ADCY5: variants seen among roughly 807,000 people sequenced by gnomAD.
ADCY5 encodes adenylate cyclase 5.
A neutral mutation model predicts 119.7 loss-of-function variants in ADCY5; 30 were observed. The ratio of observed to expected loss-of-function variants is 0.25; its 90% CI spans 0.19 to 0.34. ADCY5 has a LOEUF of 0.34. Among genes scored for constraint, ADCY5 ranks in the 10% least tolerant of loss-of-function variants. ADCY5 has a pLI of 1.00. For synonymous variants in ADCY5, 753 were observed against 762.2 expected, an observed-to-expected ratio of 0.99 and a Z score of 0.20; for missense variants, 1,324 against 1,775.2, an observed-to-expected ratio of 0.75 and a Z score of 4.57.
intron 1 of ADCY5, among the ~76,000 whole-genome samples, chr3:123,354,336 T>C (rs1401233324): frequency 6.6e-6 from 1 of 152,142 alleles, no homozygotes; most frequent in African/African-American, 2.4e-5. Flanking sequence ...GTCCAGATGC[T>C]GCCACAGAAG....
At chr3:123,315,679 G>A (rs1208362730) in intron 11 of ADCY5, among the ~76,000 whole-genome samples, 1 of 152,076 alleles carries the variant, frequency 6.6e-6, no homozygotes, top group African/African-American at 2.4e-5. Context: ...AGCTTCAAGT[G>A]ATTCTCCCGC....
chr3:123,372,314 C>A (rs567382404), intron 1 of ADCY5, among the ~76,000 whole-genome samples: 1 of 152,276 alleles, frequency 6.6e-6, no homozygotes, highest in South Asian at 2.1e-4. Flanking sequence ...GCTCTGACCC[C>A]CAACACATAA....
chr3:123,370,274 C>T (rs1157605512), intron 1 of ADCY5, among the ~76,000 whole-genome samples: 3 of 152,122 alleles, frequency 2.0e-5, no homozygotes, highest in Non-Finnish European at 2.9e-5. Context: ...TAAGATTAAC[C>T]GTTTTATTTA....
At chr3:123,338,216 C>T (rs1004338258) in intron 3 of ADCY5, among the ~76,000 whole-genome samples, 6 of 152,224 alleles carry the variant, frequency 3.9e-5, no homozygotes, top group African/African-American at 1.2e-4. Context: ...CACCACCCAC[C>T]AGGAAAGAGC....
At chr3:123,373,867 C>T (rs1280942203) in intron 1 of ADCY5, among the ~76,000 whole-genome samples, 1 of 149,836 alleles carries the variant, frequency 6.7e-6, no homozygotes, top group Non-Finnish European at 1.5e-5. Context: ...ATTTGGCAAC[C>T]TTGGGAAACA....
intron 1 of ADCY5, among the ~76,000 whole-genome samples, chr3:123,419,879 C>T (rs1018293699): frequency 3.3e-5 from 5 of 152,080 alleles, no homozygotes; most frequent in East Asian, 1.9e-4. Context: ...GCACTTCCCC[C>T]GTGCTCATTT....
At chr3:123,299,821 C>T (rs1939728810) in intron 15 of ADCY5, among the ~76,000 whole-genome samples, 1 of 152,246 alleles carries the variant, frequency 6.6e-6, no homozygotes, top group South Asian at 2.1e-4. Flanking sequence ...GACCGTGACT[C>T]CTCTGAGCCT....
At chr3:123,443,266 C>A (rs906275921) in intron 1 of ADCY5, among the ~76,000 whole-genome samples, 6 of 152,132 alleles carry the variant, frequency 3.9e-5, no homozygotes, top group Admixed American at 3.9e-4. Context: ...CAGGTACTTA[C>A]TTCCCTGGGG....
At chr3:123,287,900 G>A (rs1938890221) in intron 19 of ADCY5, among the ~76,000 whole-genome samples, 1 of 152,172 alleles carries the variant, frequency 6.6e-6, no homozygotes, top group Admixed American at 6.6e-5. Context: ...TCAGTCCCCA[G>A]GCCTGATCCA....
intron 3 of ADCY5, among the ~76,000 whole-genome samples, chr3:123,343,551 A>G (rs1576599550): frequency 6.6e-6 from 1 of 152,158 alleles, no homozygotes; most frequent in Non-Finnish European, 1.5e-5. Flanking sequence ...GTCTGTTTGC[A>G]TCTACCTTTG....
chr3:123,352,692 A>C lies in ADCY5; in HGVS notation c.1135-111T>G. On this transcript the variant is annotated intron_variant, in intron 1 of 20. Coordinates refer to ENST00000462833, the MANE Select transcript of ADCY5 (RefSeq NM_183357.3). The surrounding 1 kb of genome is among the most constrained non-coding windows in gnomAD (Gnocchi z 4.8). Reference sequence around the variant, plus strand: ...AACTCACACCTGGCGCTAGCAAACAAATGCTGAGGGCACCCCACACGCGGC... The same window carrying C: ...AACTCACACCTGGCGCTAGCAAACACATGCTGAGGGCACCCCACACGCGGC... 1 of 1,297,270 alleles carries C rather than the reference A, an allele frequency of 7.7e-7. No individual in the cohort carries two copies. Among genetic ancestry groups the C allele is most frequent in the Non-Finnish European group, 1.0e-6 (1 of 959,060 alleles). The allele number at this position is 1,297,270 out of a possible 1,614,324, so 80.4% of individuals were successfully genotyped here. A position where few individuals can be genotyped will look rare whatever the true frequency, so the allele number is the denominator to read the frequency against.
intron 1 of ADCY5, among the ~76,000 whole-genome samples, chr3:123,402,031 C>A (rs1217782929): frequency 6.6e-6 from 1 of 152,154 alleles, no homozygotes. Flanking sequence ...TCCACCAGTT[C>A]CTCCAAGACC....
intron 1 of ADCY5, among the ~76,000 whole-genome samples, chr3:123,360,478 C>T (rs1348078449): frequency 6.6e-6 from 1 of 152,118 alleles, no homozygotes; most frequent in Admixed American, 6.5e-5. Flanking sequence ...AGACCCTTAA[C>T]ATCATGACAT....
At chr3:123,376,403 T>C (rs925348169) in intron 1 of ADCY5, among the ~76,000 whole-genome samples, 1 of 134,220 alleles carries the variant, frequency 7.5e-6, no homozygotes, top group African/African-American at 2.7e-5. Context: ...CCTTCGTGCA[T>C]TTGTAAGAGA....
intron 12 of ADCY5, among the ~76,000 whole-genome samples, chr3:123,313,712 G>A (rs1940718905): frequency 6.6e-6 from 1 of 152,206 alleles, no homozygotes. Context: ...CATTTCTGCT[G>A]CCAACACCAG....
intron 11 of ADCY5, among the ~76,000 whole-genome samples, chr3:123,317,331 A>ATT (rs11427256): frequency 0.011 from 1,585 of 146,854 alleles, 9 homozygotes; most frequent in South Asian, 0.018. Context: ...TCTTTTGAAG[A>ATT]TTTTTTTTTT....
chr3:123,429,856 T>C (rs1037063357), intron 1 of ADCY5, among the ~76,000 whole-genome samples: 1 of 151,994 alleles, frequency 6.6e-6, no homozygotes, highest in Non-Finnish European at 1.5e-5. Context: ...CCCCACCCCA[T>C]ACCCACGTCC....
chr3:123,393,700 G>A (rs1490734157), intron 1 of ADCY5, among the ~76,000 whole-genome samples: 1 of 152,118 alleles, frequency 6.6e-6, no homozygotes, highest in Non-Finnish European at 1.5e-5. Flanking sequence ...GGTCATCCTT[G>A]TTATGAACTC....
At chr3:123,367,594 T>C (rs1278680978) in intron 1 of ADCY5, among the ~76,000 whole-genome samples, 1 of 151,926 alleles carries the variant, frequency 6.6e-6, no homozygotes, top group Non-Finnish European at 1.5e-5. Flanking sequence ...TTGTTTCCTG[T>C]GAGTAGTGGT....
Sources: allele counts gnomAD v4.1 joint callset (sites outside exome capture counted in the v4.1 genomes callset), GRCh38; gene constraint gnomAD v4.1.1; non-coding constraint Gnocchi (gnomAD v3.1); transcripts MANE v1.5; gene names NCBI Gene and HGNC (gene_info 2026-07-23, HGNC 2026-07-21).